NRXN3: variants seen among roughly 807,000 people sequenced by gnomAD.
The protein encoded by NRXN3 is neurexin 3.
A neutral mutation model predicts 137.6 loss-of-function variants in NRXN3; 32 were observed. That is an observed-to-expected ratio of 0.23 (90% CI 0.18 to 0.31). The LOEUF (loss-of-function observed/expected upper bound fraction) is 0.31, where lower values mean the gene tolerates loss of function less well. Among genes scored for constraint, NRXN3 ranks in the 10% least tolerant of loss-of-function variants. NRXN3 has a pLI of 1.00. For missense variants in NRXN3, 1,574 were observed against 2,062.5 expected, an observed-to-expected ratio of 0.76 and a Z score of 4.59; for synonymous variants, 798 against 784.5, an observed-to-expected ratio of 1.02 and a Z score of -0.29.
At chr14:79,526,771 A>G (rs951914695) in intron 16 of NRXN3, among the ~76,000 whole-genome samples, 3 of 152,198 alleles carry the variant, frequency 2.0e-5, no homozygotes, top group African/African-American at 7.2e-5. Context: ...AACGCTGGGA[A>G]AGAAACGAAC....
At chr14:78,634,825 T>C (rs1451088052) in intron 4 of NRXN3, among the ~76,000 whole-genome samples, 4 of 152,210 alleles carry the variant, frequency 2.6e-5, no homozygotes, top group African/African-American at 9.6e-5. Flanking sequence ...GTGATCACTA[T>C]ATAGCTATGT....
In NRXN3 at chr14:79,511,578, A is replaced by G. The variant is rs569760557; in HGVS notation, c.3444+44176A>G. Among the ~76,000 whole-genome samples, 3 of 152,348 alleles carry G rather than the reference A, an allele frequency of 2.0e-5. No individual in the cohort carries two copies. In the East Asian group the frequency reaches 5.8e-4, roughly 29 times the overall value. Reference sequence around the variant, plus strand: ...TTTGTATTAGGTAACTGTTTAATAAATTAATTCCAAACAGTACCTCCCATC... The same window carrying G: ...TTTGTATTAGGTAACTGTTTAATAAGTTAATTCCAAACAGTACCTCCCATC... On this transcript the variant is annotated intron_variant, in intron 16 of 20. Transcript: ENST00000335750.
At chr14:78,384,730 G>A (rs1006770035) in intron 4 of NRXN3, among the ~76,000 whole-genome samples, 6 of 152,190 alleles carry the variant, frequency 3.9e-5, no homozygotes, top group Admixed American at 3.3e-4. Context: ...ACTGGGGTAC[G>A]TTAAGGATCC....
intron 16 of NRXN3, among the ~76,000 whole-genome samples, chr14:79,539,992 C>T (rs111645377): frequency 2.6e-5 from 4 of 152,154 alleles, no homozygotes; most frequent in African/African-American, 9.6e-5. Flanking sequence ...AGAAATGGGT[C>T]ATGTGGGTGA....
chr14:79,609,386 C>T (rs1440324474), intron 16 of NRXN3, among the ~76,000 whole-genome samples: 3 of 152,164 alleles, frequency 2.0e-5, no homozygotes, highest in African/African-American at 7.2e-5. Context: ...AATGGCATAT[C>T]AAAAACTTCT....
chr14:78,780,241 AATTTCTTATCTATATGG>A lies in NRXN3; in HGVS notation c.2045-23378_2045-23362del, dbSNP rs2098764157. 2.6e-5 allele frequency among the ~76,000 whole-genome samples: 4 copies of A among 152,202 alleles called. No homozygotes were observed. The South Asian group carries it at 8.3e-4, about 32-fold the overall frequency. The stretch of plus-strand genomic sequence containing the variant: ...ACTAGTCAACCTATGATGCTGGAAT[AATTTCTTATCTATATGG>A]GAAAAAATGAAATTAGACTTCATTT... On this transcript the variant is annotated intron_variant, in intron 8 of 20. Coordinates refer to ENST00000335750, the MANE Select transcript of NRXN3 (RefSeq NM_001330195.2).
chr14:78,507,909 A>T (rs1024087494), intron 4 of NRXN3, among the ~76,000 whole-genome samples: 2 of 152,206 alleles, frequency 1.3e-5, no homozygotes, highest in Non-Finnish European at 2.9e-5. Flanking sequence ...ATGAACTCTT[A>T]GAGGATTGGG....
At chr14:79,572,080 T>C (rs1243788896) in intron 16 of NRXN3, among the ~76,000 whole-genome samples, 1 of 152,170 alleles carries the variant, frequency 6.6e-6, no homozygotes, top group African/African-American at 2.4e-5. Context: ...CTTATTGTTT[T>C]TAATTAGACA....
chr14:78,973,999 A>G (rs1217213428), intron 14 of NRXN3, among the ~76,000 whole-genome samples: 1 of 152,148 alleles, frequency 6.6e-6, no homozygotes, highest in African/African-American at 2.4e-5. Context: ...TCACTATTTT[A>G]CCATAACTTT....
At chr14:78,823,436 G>A (rs879459755) in intron 10 of NRXN3, among the ~76,000 whole-genome samples, 11 of 152,104 alleles carry the variant, frequency 7.2e-5, no homozygotes, top group Non-Finnish European at 1.5e-4. Flanking sequence ...AGCTCAAGGG[G>A]TTACCACCTA....
At chr14:78,985,472 G>T (rs1049241272) in intron 14 of NRXN3, among the ~76,000 whole-genome samples, 2 of 152,178 alleles carry the variant, frequency 1.3e-5, no homozygotes, top group Non-Finnish European at 2.9e-5. Context: ...CAACAAAGCG[G>T]GAGAATTATT....
At chr14:79,382,369 G>C (rs1309419197) in intron 15 of NRXN3, among the ~76,000 whole-genome samples, 3 of 152,208 alleles carry the variant, frequency 2.0e-5, no homozygotes. Flanking sequence ...GCAGGAGCTA[G>C]AGGGAAGTTT....
chr14:79,299,687 C>G (rs1185851635), intron 15 of NRXN3, among the ~76,000 whole-genome samples: 3 of 152,024 alleles, frequency 2.0e-5, no homozygotes, highest in African/African-American at 7.2e-5. Context: ...TCAGTAAATG[C>G]TAACCTGTAT....
chr14:79,355,261 CT>C (rs2093380848), intron 15 of NRXN3, among the ~76,000 whole-genome samples: 1 of 150,040 alleles, frequency 6.7e-6, no homozygotes, highest in African/African-American at 2.5e-5. Flanking sequence ...CCCCCACCCC[CT>C]TCCTTCCCTC....
intron 16 of NRXN3, among the ~76,000 whole-genome samples, chr14:79,638,700 T>G (rs1351594659): frequency 6.6e-6 from 1 of 152,322 alleles, no homozygotes; most frequent in East Asian, 1.9e-4. Flanking sequence ...TATCAATGAC[T>G]CTTAAAATCA....
intron 19 of NRXN3, among the ~76,000 whole-genome samples, chr14:79,710,767 A>AACAG: frequency 6.6e-6 from 1 of 152,094 alleles, no homozygotes. Context: ...AACATCAGTA[A>AACAG]ACAGACAAAA....
At chr14:78,416,418 A>G (rs1201173482) in intron 4 of NRXN3, among the ~76,000 whole-genome samples, 3 of 152,178 alleles carry the variant, frequency 2.0e-5, no homozygotes, top group Non-Finnish European at 2.9e-5. Context: ...TTTCACTCAC[A>G]TGAACCAGGA....
intron 4 of NRXN3, among the ~76,000 whole-genome samples, chr14:78,377,831 G>A (rs993755585): frequency 6.6e-6 from 1 of 152,048 alleles, no homozygotes; most frequent in African/African-American, 2.4e-5. Context: ...AGTCACATTG[G>A]GAGTTAGAGC....
chr14:78,573,438 A>G (rs1196812993), intron 4 of NRXN3, among the ~76,000 whole-genome samples: 1 of 152,226 alleles, frequency 6.6e-6, no homozygotes, highest in African/African-American at 2.4e-5. Context: ...CCAGAATGCT[A>G]ATAGTGATAT....
Sources: allele counts gnomAD v4.1 joint callset (sites outside exome capture counted in the v4.1 genomes callset), GRCh38; gene constraint gnomAD v4.1.1; transcripts MANE v1.5; gene names NCBI Gene and HGNC (gene_info 2026-07-23, HGNC 2026-07-21).